Variants in NCEH1 observed in about 807,000 individuals in gnomAD.
The protein encoded by NCEH1 is neutral cholesterol ester hydrolase 1, also known as 2-acetyl MAGE hydrolase.
Under a neutral mutation model 25.4 loss-of-function variants are expected in NCEH1, and 9 were observed. The observed-to-expected ratio is 0.35, with a 90% CI of 0.21 to 0.62. NCEH1 has a LOEUF of 0.62. Among genes scored for constraint, NCEH1 ranks in the 20% least tolerant of loss-of-function variants. The pLI is 0.72. For missense variants in NCEH1, 412 were observed against 501.1 expected, an observed-to-expected ratio of 0.82 and a Z score of 1.70; for synonymous variants, 200 against 199.8, an observed-to-expected ratio of 1.00 and a Z score of -0.01.
chr3:172,663,523 T>G (rs1718062527), intron 1 of NCEH1, among the ~76,000 whole-genome samples: 1 of 152,156 alleles, frequency 6.6e-6, no homozygotes, highest in Admixed American at 6.5e-5. Context: ...TTTTATTAAC[T>G]TTCTGCCTCG....
intron 1 of NCEH1, chr3:172,681,034 C>T (rs1712341929): frequency 6.6e-6 from 1 of 150,384 alleles, no homozygotes; most frequent in Admixed American, 6.6e-5. Context: ...TAAGCCTTTA[C>T]TTGCCAAGAT....
At chr3:172,644,619 T>C (rs1717029823) in intron 3 of NCEH1, among the ~76,000 whole-genome samples, 1 of 152,232 alleles carries the variant, frequency 6.6e-6, no homozygotes, top group Non-Finnish European at 1.5e-5. Flanking sequence ...ACTTAGCTTC[T>C]TGGGTCTCAA....
intron 1 of NCEH1, among the ~76,000 whole-genome samples, chr3:172,681,876 A>G (rs140400572): frequency 6.0e-4 from 90 of 151,216 alleles, no homozygotes; most frequent in African/African-American, 2.0e-3. Flanking sequence ...ACACCACTGC[A>G]CTCCAGCCTG....
chr3:172,631,275 C>G lies in NCEH1; in HGVS notation c.*2200G>C, dbSNP rs1444287440. The G allele has an allele frequency of 6.6e-6, 1 of 152,130 alleles. No homozygotes were observed. Among genetic ancestry groups the G allele is most frequent in the Non-Finnish European group, 1.5e-5 (1 of 68,028 alleles). 9.4% of individuals were successfully genotyped at this position (152,130 alleles called of 1,614,324 possible). On this transcript the variant is annotated 3_prime_UTR_variant, in exon 5 of 5. Coordinates refer to ENST00000475381, the MANE Select transcript of NCEH1 (RefSeq NM_020792.6). Reference sequence around the variant, plus strand: ...CATTTTATTTTCTTTTTCTTCGAGACAGACAACCTCAAAATAAGGTCCAAA... The same window carrying G: ...CATTTTATTTTCTTTTTCTTCGAGAGAGACAACCTCAAAATAAGGTCCAAA...
chr3:172,682,674 T>G (rs943273893), intron 1 of NCEH1, among the ~76,000 whole-genome samples: 1 of 152,232 alleles, frequency 6.6e-6, no homozygotes, highest in African/African-American at 2.4e-5. Context: ...CACTCCTATT[T>G]ATTATTTATA....
Position 172,636,081 on chromosome 3 carries a change from C to T in NCEH1, c.444G>A (p.Arg148=). 6.2e-7 allele frequency: 1 copy of T among 1,611,408 alleles called. No homozygotes were observed. Among genetic ancestry groups the T allele is most frequent in the Non-Finnish European group, 8.5e-7 (1 of 1,178,292 alleles). ...LNAVIVSIEY[R]LVPKVYFPEQ... ...CAGGAAAATAAACCTTTGGAACTAGCCTGTATCTGTAAAAACAAAAGTTGT... is the reference window on the plus strand; with the variant it reads ...CAGGAAAATAAACCTTTGGAACTAGTCTGTATCTGTAAAAACAAAAGTTGT... The change falls in exon 4 of 5, where the codon AGG becomes AGA. Residue 148 remains arginine, a synonymous_variant. Transcript: ENST00000475381.
chr3:172,681,433 A>G (rs986093955), intron 1 of NCEH1, among the ~76,000 whole-genome samples: 2 of 152,224 alleles, frequency 1.3e-5, no homozygotes, highest in African/African-American at 4.8e-5. Flanking sequence ...AAACGTATCC[A>G]AAGGTGAAAA....
Position 172,632,166 on chromosome 3 carries a change from C to G in NCEH1, c.*1309G>C, listed in dbSNP as rs1007058601. ...CTTGCCTAAGCTACTGAACTATAAA[C>G]CTAGATGACTTTACTAGGCGCAGTC... On this transcript the variant is annotated 3_prime_UTR_variant, in exon 5 of 5. Coordinates refer to ENST00000475381, the MANE Select transcript of NCEH1 (RefSeq NM_020792.6). 3.9e-5 allele frequency: 6 copies of G among 152,356 alleles called. No homozygotes were observed. The highest frequency in any genetic ancestry group is 1.4e-4 in the African/African-American group (6 of 41,522). The allele number at this position is 152,356 out of a possible 1,614,324, so 9.4% of individuals were successfully genotyped here. A position where few individuals can be genotyped will look rare whatever the true frequency, so the allele number is the denominator to read the frequency against.
At chr3:172,673,211 T>C (rs1711746987) in intron 1 of NCEH1, among the ~76,000 whole-genome samples, 1 of 152,212 alleles carries the variant, frequency 6.6e-6, no homozygotes, top group African/African-American at 2.4e-5. Context: ...AGGACCTATT[T>C]ACAAATGCTT....
At chr3:172,671,398 T>C (rs1364979847) in intron 1 of NCEH1, among the ~76,000 whole-genome samples, 2 of 152,112 alleles carry the variant, frequency 1.3e-5, no homozygotes, top group African/African-American at 4.8e-5. Flanking sequence ...CAAAAATGTG[T>C]GAAACTTGGG....
At chr3:172,647,789 G>A in intron 2 of NCEH1, 97 bp downstream of exon 2, 1 of 1,508,540 alleles carries the variant, frequency 6.6e-7, no homozygotes, top group South Asian at 1.2e-5. Flanking sequence ...CTAGATAAAT[G>A]GTCCCCTTCT....
intron 1 of NCEH1, among the ~76,000 whole-genome samples, chr3:172,697,205 G>C (rs548716895): frequency 6.6e-6 from 1 of 151,938 alleles, no homozygotes; most frequent in Non-Finnish European, 1.5e-5. Context: ...CTAGGGTAAC[G>C]GGCGTGAGCC....
intron 1 of NCEH1, among the ~76,000 whole-genome samples, chr3:172,649,108 C>T (rs554368008): frequency 3.3e-5 from 5 of 152,236 alleles, no homozygotes; most frequent in African/African-American, 9.6e-5. Context: ...GCACAGCGTA[C>T]GACGGTACAC....
chr3:172,703,733 T>C (rs1713830329), intron 1 of NCEH1, among the ~76,000 whole-genome samples: 1 of 152,062 alleles, frequency 6.6e-6, no homozygotes, highest in Non-Finnish European at 1.5e-5. Flanking sequence ...GTTATATTTG[T>C]AGAAGTACCA....
At chr3:172,640,020 A>G (rs942430392) in intron 3 of NCEH1, among the ~76,000 whole-genome samples, 4 of 152,242 alleles carry the variant, frequency 2.6e-5, no homozygotes, top group Non-Finnish European at 5.9e-5. Flanking sequence ...CAAGCCCCGA[A>G]TGACACCAAT....
intron 3 of NCEH1, among the ~76,000 whole-genome samples, chr3:172,641,528 A>T (rs1577053396): frequency 6.6e-6 from 1 of 152,284 alleles, no homozygotes; most frequent in East Asian, 1.9e-4. Context: ...CATAATCCAC[A>T]TGAAAGAATA....
intron 1 of NCEH1, among the ~76,000 whole-genome samples, chr3:172,668,347 C>CTTTT (rs1560193718): frequency 6.9e-5 from 6 of 87,378 alleles, no homozygotes; most frequent in Non-Finnish European, 1.1e-4. Flanking sequence ...GAAAAGGAAG[C>CTTTT]ATTTTTTTTT....
In NCEH1 at chr3:172,711,065, C is replaced by T. The variant is rs749040461; in HGVS notation, c.-81G>A. The T allele has an allele frequency of 3.7e-6, 6 of 1,608,316 alleles. 1 individual carries two copies. The highest frequency in any genetic ancestry group is 3.3e-5 in the South Asian group (3 of 90,940). ...CGGAGACCTCCGGCAACTTTCTGCC[C>T]GCGGCAGCTGCTCATTCACGCGTTT... On this transcript the variant is annotated 5_prime_UTR_variant, in exon 1 of 5. Transcript: ENST00000475381.
At chr3:172,675,335 A>T (rs117889602) in intron 1 of NCEH1, among the ~76,000 whole-genome samples, 22,935 of 137,502 alleles carry the variant, frequency 0.17, 2,064 homozygotes, top group East Asian at 0.29. Context: ...ATAAATAAAT[A>T]AATAAATGAT....
Sources: gnomAD v4.1 joint callset for allele counts (sites outside exome capture counted in the v4.1 genomes callset) on GRCh38, gnomAD v4.1.1 for gene constraint, MANE v1.5 for transcripts, NCBI Gene and HGNC (gene_info 2026-07-23, HGNC 2026-07-21) for gene names.